Variants in SLIT1 observed in about 807,000 individuals in gnomAD.
The protein encoded by SLIT1 is slit homolog 1 protein.
SLIT1 carries 66 observed loss-of-function variants against 186.1 expected under a neutral mutation model. The observed-to-expected ratio is 0.35, with a 90% confidence interval of 0.29 to 0.44. The LOEUF is 0.44. Ranked by LOEUF, SLIT1 falls within the 20% of genes least tolerant of loss-of-function variation. SLIT1 has a pLI of 1.00. For synonymous variants in SLIT1, 761 were observed against 833.8 expected, an observed-to-expected ratio of 0.91 and a Z score of 1.50; for missense variants, 1,638 against 2,037.4, an observed-to-expected ratio of 0.80 and a Z score of 3.77.
intron 4 of SLIT1, among the ~76,000 whole-genome samples, chr10:97,090,831 C>G (rs898658971): frequency 2.0e-5 from 3 of 152,232 alleles, no homozygotes; most frequent in Non-Finnish European, 4.4e-5. Context: ...CTGGCAGGCC[C>G]TGGCTGCTGC....
intron 9 of SLIT1, 36 bp from the exon 10 acceptor site, chr10:97,060,194 C>T (rs1449566776): frequency 5.8e-6 from 9 of 1,555,312 alleles, no homozygotes; most frequent in Non-Finnish European, 7.1e-6. Context: ...CCCAAGGGCC[C>T]AGGTCAGCCC....
intron 4 of SLIT1, among the ~76,000 whole-genome samples, chr10:97,156,357 C>T (rs572488255): frequency 5.3e-5 from 8 of 152,276 alleles, no homozygotes; most frequent in East Asian, 3.9e-4. Context: ...GCTGGTGGAT[C>T]GCTTGAGCCT....
At chr10:97,001,602 G>C (rs973257374) in intron 36 of SLIT1, among the ~76,000 whole-genome samples, 1 of 152,108 alleles carries the variant, frequency 6.6e-6, no homozygotes, top group Admixed American at 6.5e-5. Flanking sequence ...GGGAGGGGGG[G>C]TCCCCATTGC....
intron 11 of SLIT1, chr10:97,058,061 C>T (rs908590732): frequency 1.4e-6 from 1 of 717,332 alleles, no homozygotes; most frequent in African/African-American, 1.7e-5. Flanking sequence ...GCAGTGGGAG[C>T]TGTGTGTGCC....
intron 1 of SLIT1, among the ~76,000 whole-genome samples, chr10:97,172,046 T>C (rs1344041942): frequency 1.3e-5 from 2 of 151,560 alleles, no homozygotes; most frequent in Non-Finnish European, 2.9e-5. Context: ...CAATTTATAT[T>C]GCTTTTTTTT....
At chr10:97,078,635 C>T (rs1351843376) in intron 4 of SLIT1, among the ~76,000 whole-genome samples, 4 of 146,008 alleles carry the variant, frequency 2.7e-5, no homozygotes, top group Non-Finnish European at 4.6e-5. Flanking sequence ...CAGGGGCACA[C>T]AGAAGACACA....
intron 4 of SLIT1, among the ~76,000 whole-genome samples, chr10:97,107,889 C>T (rs1467844141): frequency 6.6e-6 from 1 of 152,126 alleles, no homozygotes; most frequent in Non-Finnish European, 1.5e-5. Flanking sequence ...ATGTCACCCA[C>T]ACAAAGGAGG....
intron 4 of SLIT1, among the ~76,000 whole-genome samples, chr10:97,106,329 C>A (rs964722706): frequency 1.3e-5 from 2 of 151,962 alleles, no homozygotes; most frequent in Non-Finnish European, 2.9e-5. Flanking sequence ...GAATGAAGAA[C>A]GGGAAAATCA....
At chr10:97,113,838 G>A (rs1043861212) in intron 4 of SLIT1, among the ~76,000 whole-genome samples, 2 of 152,212 alleles carry the variant, frequency 1.3e-5, no homozygotes, top group Non-Finnish European at 2.9e-5. Flanking sequence ...TTACAGGCGT[G>A]AGCCCGGCCT....
At chr10:97,158,587 A>T in intron 3 of SLIT1, among the ~76,000 whole-genome samples, 1 of 148,950 alleles carries the variant, frequency 6.7e-6, no homozygotes, top group Non-Finnish European at 1.5e-5. Context: ...GCTTGAACTC[A>T]GGAGACGGAG....
At chr10:97,179,915 C>T (rs1035927708) in intron 1 of SLIT1, among the ~76,000 whole-genome samples, 1 of 152,110 alleles carries the variant, frequency 6.6e-6, no homozygotes, top group African/African-American at 2.4e-5. Flanking sequence ...AAGAAAATCC[C>T]ATTAAGCAAG....
At chr10:97,028,945 C>T (rs1353750945) in intron 25 of SLIT1, among the ~76,000 whole-genome samples, 1 of 152,204 alleles carries the variant, frequency 6.6e-6, no homozygotes, top group East Asian at 1.9e-4. Context: ...CCTCCCACTT[C>T]CATGGCAGAC....
intron 4 of SLIT1, among the ~76,000 whole-genome samples, chr10:97,095,347 C>T (rs1274593943): frequency 8.5e-5 from 13 of 152,208 alleles, no homozygotes; most frequent in Non-Finnish European, 1.6e-4. Context: ...CAGCCAGAGT[C>T]CAGTTGCTGA....
At chr10:97,096,947 C>G (rs185894099) in intron 4 of SLIT1, among the ~76,000 whole-genome samples, 2 of 152,238 alleles carry the variant, frequency 1.3e-5, no homozygotes, top group African/African-American at 4.8e-5. Context: ...GCCCAACCAG[C>G]TGTCTGCCAA....
chr10:97,181,015 G>A (rs1259691009), intron 1 of SLIT1, among the ~76,000 whole-genome samples: 1 of 152,214 alleles, frequency 6.6e-6, no homozygotes, highest in Non-Finnish European at 1.5e-5. Flanking sequence ...CTTACCAAGC[G>A]TGGCACGCTG....
At chr10:97,018,465 G>A (rs767479330) in intron 28 of SLIT1, 121 bp downstream of exon 28, 21 of 624,308 alleles carry the variant, frequency 3.4e-5, no homozygotes, top group African/African-American at 9.3e-5. Flanking sequence ...CCGACAGTGC[G>A]CCTCCACCTC....
intron 4 of SLIT1, among the ~76,000 whole-genome samples, chr10:97,119,572 G>A (rs553546825): frequency 1.9e-3 from 282 of 152,184 alleles, no homozygotes; most frequent in Non-Finnish European, 3.2e-3. Context: ...TTGCGACGGG[G>A]CGGTGCGAGG....
chr10:97,058,772 T>A (rs940275300), intron 11 of SLIT1, among the ~76,000 whole-genome samples: 1 of 152,172 alleles, frequency 6.6e-6, no homozygotes, highest in Non-Finnish European at 1.5e-5. Flanking sequence ...GAGTAACAAA[T>A]GGCCCCTCCT....
Position 97,056,404 on chromosome 10 carries a change from G to T in SLIT1, c.1218C>A (p.Asn406Lys), listed in dbSNP as rs140318117. The change falls in exon 13 of 37, where the codon AAC (asparagine) becomes AAA (lysine). Residue 406 changes from asparagine to lysine, a missense_variant. Coordinates refer to ENST00000266058, the MANE Select transcript of SLIT1 (RefSeq NM_003061.3). ...IRPDAFQDLQ[N>K]LSLLSLYDNK... Reference sequence around the variant, plus strand: ...TGTCATACAGGGAGAGCAGTGAGAGGTTCTGCAGGTCCTGGAAGGCATCGG... The same window carrying T: ...TGTCATACAGGGAGAGCAGTGAGAGTTTCTGCAGGTCCTGGAAGGCATCGG... The T allele has an allele frequency of 8.7e-6, 14 of 1,614,202 alleles. No individual in the cohort carries two copies. The highest frequency in any genetic ancestry group is 1.1e-5 in the Non-Finnish European group (13 of 1,180,010).
Sources: allele counts gnomAD v4.1 joint callset (sites outside exome capture counted in the v4.1 genomes callset), GRCh38; gene constraint gnomAD v4.1.1; transcripts MANE v1.5; gene names NCBI Gene and HGNC (gene_info 2026-07-23, HGNC 2026-07-21).